SDHAF3: variants seen among roughly 807,000 people sequenced by gnomAD.
SDHAF3 encodes succinate dehydrogenase complex assembly factor 3.
A neutral mutation model predicts 11.5 loss-of-function variants in SDHAF3; 18 were observed. The observed-to-expected ratio is 1.56, with a 90% CI of 1.08 to 2.32. The LOEUF is 2.32. SDHAF3 is among the 30% of genes most tolerant of loss of function. The pLI is 0.00. For synonymous variants in SDHAF3, 72 were observed against 59.3 expected, an observed-to-expected ratio of 1.21 and a Z score of -0.99; for missense variants, 200 against 154.4, an observed-to-expected ratio of 1.30 and a Z score of -1.57.
intron 1 of SDHAF3, among the ~76,000 whole-genome samples, chr7:97,161,515 T>C (rs1789408773): frequency 6.6e-6 from 1 of 152,184 alleles, no homozygotes; most frequent in South Asian, 2.1e-4. Flanking sequence ...ACACGTGCCA[T>C]GGTGCTTTGC....
At chr7:97,180,856 A>AT (rs1223723021) in intron 1 of SDHAF3, among the ~76,000 whole-genome samples, 156 bp from the exon 2 acceptor site, 3 of 152,228 alleles carry the variant, frequency 2.0e-5, no homozygotes, top group Non-Finnish European at 1.5e-5. Flanking sequence ...TGATCAATGA[A>AT]TTGTATCTTC....
At chr7:97,124,813 A>G (rs567535046) in intron 1 of SDHAF3, among the ~76,000 whole-genome samples, 3 of 152,270 alleles carry the variant, frequency 2.0e-5, no homozygotes, top group African/African-American at 7.2e-5. Context: ...TTATTGGTGT[A>G]TAGGAATGCA....
intron 1 of SDHAF3, among the ~76,000 whole-genome samples, chr7:97,175,184 G>A (rs1789661334): frequency 6.6e-6 from 1 of 152,130 alleles, no homozygotes; most frequent in African/African-American, 2.4e-5. Flanking sequence ...AAAAACATCT[G>A]TATAATAGAT....
chr7:97,153,165 T>C (rs1217727998), intron 1 of SDHAF3, among the ~76,000 whole-genome samples: 1 of 152,204 alleles, frequency 6.6e-6, no homozygotes, highest in Non-Finnish European at 1.5e-5. Context: ...CACGATGCAG[T>C]TGATTAGGTC....
chr7:97,171,317 G>A (rs1221897478), intron 1 of SDHAF3, among the ~76,000 whole-genome samples: 1 of 151,960 alleles, frequency 6.6e-6, no homozygotes, highest in Non-Finnish European at 1.5e-5. Context: ...TCCTTTGGTT[G>A]TTTACATTAA....
intron 1 of SDHAF3, among the ~76,000 whole-genome samples, chr7:97,178,880 C>A (rs1789729134): frequency 6.6e-6 from 1 of 152,074 alleles, no homozygotes; most frequent in Admixed American, 6.5e-5. Flanking sequence ...GTTGCTTGGG[C>A]TTTTGGTGTC....
chr7:97,157,436 A>G (rs1393425309), intron 1 of SDHAF3, among the ~76,000 whole-genome samples: 3 of 152,180 alleles, frequency 2.0e-5, no homozygotes, highest in Non-Finnish European at 2.9e-5. Context: ...CACACCAGTT[A>G]GAATGGCGAT....
chr7:97,124,812 T>C (rs1791550229), intron 1 of SDHAF3, among the ~76,000 whole-genome samples: 1 of 152,186 alleles, frequency 6.6e-6, no homozygotes, highest in Admixed American at 6.5e-5. Context: ...ATTATTGGTG[T>C]ATAGGAATGC....
chr7:97,159,120 A>G (rs1217754986), intron 1 of SDHAF3, among the ~76,000 whole-genome samples: 10 of 152,248 alleles, frequency 6.6e-5, no homozygotes, highest in African/African-American at 2.4e-4. Context: ...AGTCTGTATT[A>G]TTCACATAAT....
intron 1 of SDHAF3, among the ~76,000 whole-genome samples, chr7:97,146,983 C>A (rs1043477948): frequency 2.0e-4 from 30 of 152,074 alleles, no homozygotes; most frequent in African/African-American, 7.2e-4. Flanking sequence ...CCTCGTGATC[C>A]ACCCACCTCA....
chr7:97,126,104 A>G (rs1020491428), intron 1 of SDHAF3, among the ~76,000 whole-genome samples: 19 of 152,106 alleles, frequency 1.2e-4, no homozygotes, highest in Admixed American at 2.6e-4. Context: ...TCCAGACCCT[A>G]TTTGCCTGGG....
Position 97,145,032 on chromosome 7 carries a change from T to C in SDHAF3, c.174+27135T>C, listed in dbSNP as rs930615180. Among the ~76,000 whole-genome samples the C allele has an allele frequency of 5.9e-5, 9 of 151,838 alleles. No individual in the cohort carries two copies. The East Asian group carries it at 1.5e-3, about 26-fold the overall frequency. ...GGTCTTTCAACTCCTTGGTTAGGTA[T>C]ATTCCTAAGTATTTTTTGTTTTTTT... is the stretch of plus-strand genomic sequence containing the variant. On this transcript the variant is annotated intron_variant, in intron 1 of 1. Transcript: ENST00000432641.
intron 1 of SDHAF3, among the ~76,000 whole-genome samples, chr7:97,139,388 C>T (rs751386083): frequency 3.3e-5 from 5 of 150,712 alleles, no homozygotes; most frequent in South Asian, 2.1e-4. Flanking sequence ...GAGTGTATGC[C>T]GATTGGTTTG....
chr7:97,123,708 T>C (rs1369468561), intron 1 of SDHAF3, among the ~76,000 whole-genome samples: 1 of 151,610 alleles, frequency 6.6e-6, no homozygotes, highest in Non-Finnish European at 1.5e-5. Context: ...TGAGATGGTA[T>C]CTCATTGTGG....
At chr7:97,148,930 CTT>C (rs36056301) in intron 1 of SDHAF3, among the ~76,000 whole-genome samples, 3 of 139,284 alleles carry the variant, frequency 2.2e-5, no homozygotes, top group Admixed American at 7.2e-5. Flanking sequence ...AGATTTGTGT[CTT>C]TTTTTTTTTT....
chr7:97,142,157 A>T (rs751979902), intron 1 of SDHAF3, among the ~76,000 whole-genome samples: 2 of 145,134 alleles, frequency 1.4e-5, no homozygotes, highest in Non-Finnish European at 3.0e-5. Flanking sequence ...GAGTTCAAGC[A>T]ATTCTCCTGC....
At chr7:97,146,113 TC>T (rs60648502) in intron 1 of SDHAF3, among the ~76,000 whole-genome samples, 63,685 of 151,140 alleles carry the variant, frequency 0.42, 13,767 homozygotes, top group African/African-American at 0.53. Context: ...AAATAGGCTT[TC>T]CCCCCCCCAC....
At chr7:97,154,837 G>C (rs936404591) in intron 1 of SDHAF3, among the ~76,000 whole-genome samples, 6 of 151,998 alleles carry the variant, frequency 3.9e-5, no homozygotes, top group Non-Finnish European at 8.8e-5. Flanking sequence ...TTAGGTCAAG[G>C]TTTATTTATT....
chr7:97,164,912 C>T (rs1789477122), intron 1 of SDHAF3, among the ~76,000 whole-genome samples: 2 of 151,954 alleles, frequency 1.3e-5, no homozygotes, highest in Admixed American at 1.3e-4. Context: ...GGAAAGATGG[C>T]AAGATAAACC....
Sources: allele counts gnomAD v4.1 joint callset (sites outside exome capture counted in the v4.1 genomes callset), GRCh38; gene constraint gnomAD v4.1.1; transcripts MANE v1.5; gene names NCBI Gene and HGNC (gene_info 2026-07-23, HGNC 2026-07-21).